The following ACBD5 variants were observed in gnomAD, a reference collection of about 807,000 sequenced individuals.
ACBD5 encodes acyl-CoA binding domain containing 5.
Under a neutral mutation model 71.8 loss-of-function variants are expected in ACBD5, and 40 were observed. The observed-to-expected ratio is 0.56, with a 90% CI of 0.43 to 0.72. The LOEUF (loss-of-function observed/expected upper bound fraction) is 0.72, where lower values mean the gene tolerates loss of function less well. Among genes scored for constraint, ACBD5 ranks in the 30% least tolerant of loss-of-function variants. The pLI, the probability that ACBD5 is intolerant of heterozygous loss-of-function variation, is 0.00. For missense variants in ACBD5, 559 were observed against 644.5 expected (o/e 0.87, Z 1.44); for synonymous variants, 229 against 218.6 (o/e 1.05, Z -0.42).
At chr10:27,199,853 G>T (rs982737473) in intron 12 of ACBD5, among the ~76,000 whole-genome samples, 1 of 152,080 alleles carries the variant, frequency 6.6e-6, no homozygotes, top group Admixed American at 6.6e-5. Context: ...TTAGCCGGGC[G>T]TGGTGGCGGG....
At chr10:27,220,667 G>T (rs1240442646) in intron 5 of ACBD5, among the ~76,000 whole-genome samples, 1 of 152,116 alleles carries the variant, frequency 6.6e-6, no homozygotes, top group Non-Finnish European at 1.5e-5. Flanking sequence ...ATCCAAGCTG[G>T]CATTTCTGCA....
intron 4 of ACBD5, among the ~76,000 whole-genome samples, chr10:27,228,815 A>ATTTTT (rs1167438554): frequency 1.5e-4 from 3 of 20,366 alleles, no homozygotes; most frequent in Non-Finnish European, 1.3e-4. Context: ...ATATATATAT[A>ATTTTT]TTTTTTTTTT....
intron 6 of ACBD5, 75 bp from the exon 7 acceptor site, chr10:27,218,258 A>G: frequency 1.7e-6 from 2 of 1,190,636 alleles, no homozygotes; most frequent in Non-Finnish European, 2.5e-6. Context: ...TTTAATATCC[A>G]GCTGTTATTT....
chr10:27,224,854 A>C (rs1367918849), intron 4 of ACBD5, among the ~76,000 whole-genome samples: 1 of 151,934 alleles, frequency 6.6e-6, no homozygotes, highest in African/African-American at 2.4e-5. Context: ...AACATGGTGA[A>C]ACCCCATCTC....
intron 4 of ACBD5, 68 bp downstream of exon 4, chr10:27,231,680 T>C: frequency 1.5e-6 from 2 of 1,377,294 alleles, no homozygotes; most frequent in Non-Finnish European, 2.1e-6. Flanking sequence ...GCAGCTAATT[T>C]GTCTGATAAC....
chr10:27,190,048 G>A (rs2059014963), intron 13 of ACBD5, among the ~76,000 whole-genome samples: 1 of 152,116 alleles, frequency 6.6e-6, no homozygotes, highest in Non-Finnish European at 1.5e-5. Context: ...ACTTTGGGAG[G>A]CTGAGACGAG....
In ACBD5 at chr10:27,197,308, C is replaced by T. The variant is rs2059457511; in HGVS notation, c.*122G>A. The T allele has an allele frequency of 1.1e-6, 1 of 925,492 alleles. No homozygotes were observed. Among genetic ancestry groups the T allele is most frequent in the East Asian group, 2.5e-5 (1 of 39,306 alleles). 57.3% of individuals were successfully genotyped at this position (925,492 alleles called of 1,614,324 possible). On this transcript the variant is annotated 3_prime_UTR_variant, in exon 13 of 13. Transcript: ENST00000396271. ...TGTGTATATATGTACACAAACTAAA[C>T]TACTGGACAACAAAAAGCAATGTAA...
downstream of ACBD5, among the ~76,000 whole-genome samples, chr10:27,190,917 T>G (rs1456669792): frequency 6.6e-6 from 1 of 152,142 alleles, no homozygotes; most frequent in African/African-American, 2.4e-5. Context: ...TTGGGTGGAT[T>G]GTGGTGCTGC....
chr10:27,205,170 C>T (rs747534669), intron 11 of ACBD5, 28 bp downstream of exon 11: 2 of 1,598,044 alleles, frequency 1.3e-6, no homozygotes, highest in South Asian at 2.2e-5. Context: ...GAAACCCTGG[C>T]ATTTAAATTT....
intron 2 of ACBD5, among the ~76,000 whole-genome samples, chr10:27,236,783 G>A (rs1183951258): frequency 6.6e-6 from 1 of 151,396 alleles, no homozygotes; most frequent in African/African-American, 2.4e-5. Context: ...AGCTACTCAG[G>A]AGGCTGAGAC....
At chr10:27,234,547 G>A (rs1052082904) in intron 3 of ACBD5, among the ~76,000 whole-genome samples, 36 of 148,896 alleles carry the variant, frequency 2.4e-4, no homozygotes, top group African/African-American at 8.6e-4. Context: ...AACTGATAAT[G>A]CTTCTTTATC....
chr10:27,202,585 T>A (rs1458720465), intron 12 of ACBD5, among the ~76,000 whole-genome samples: 3 of 151,284 alleles, frequency 2.0e-5, no homozygotes, highest in African/African-American at 7.4e-5. Context: ...TAGAGTGTAG[T>A]TTGTTTTTTC....
intron 4 of ACBD5, among the ~76,000 whole-genome samples, chr10:27,225,419 T>A (rs1278196043): frequency 1.3e-5 from 2 of 152,228 alleles, no homozygotes; most frequent in Admixed American, 1.3e-4. Context: ...CTGTGTTATA[T>A]GTGTAGGAGG....
rs1219958398 is a variant in ACBD5 at position 27,196,703 on chromosome 10, T to G, written c.*727A>C. On this transcript the variant is annotated 3_prime_UTR_variant, in exon 13 of 13. Coordinates refer to ENST00000396271, the MANE Select transcript of ACBD5 (RefSeq NM_145698.5). ...TATGATTGAATAAAAACCTGATTAA[T>G]CATCTACAGGCTCAGAATACACTTT... The G allele has an allele frequency of 2.2e-6, 1 of 454,412 alleles. No individual in the cohort carries two copies. Among genetic ancestry groups the G allele is most frequent in the Non-Finnish European group, 4.4e-6 (1 of 226,806 alleles). 28.1% of individuals were successfully genotyped at this position (454,412 alleles called of 1,614,324 possible).
At chr10:27,193,794 G>A (rs2136387313), downstream of ACBD5, among the ~76,000 whole-genome samples, 1 of 152,278 alleles carries the variant, frequency 6.6e-6, no homozygotes, top group South Asian at 2.1e-4. Context: ...CACCTTCCCG[G>A]CCCTGGACTT....
chr10:27,242,063 G>C (rs903535439), upstream of ACBD5: 5 of 453,636 alleles, frequency 1.1e-5, no homozygotes, highest in African/African-American at 1.0e-4. Flanking sequence ...ATTTACCTTG[G>C]TATTGCCGGA....
intron 5 of ACBD5, among the ~76,000 whole-genome samples, chr10:27,222,624 G>A (rs574866610): frequency 6.6e-6 from 1 of 152,136 alleles, no homozygotes; most frequent in East Asian, 1.9e-4. Flanking sequence ...AGGCCGGAGT[G>A]CAGCAGAGTG....
intron 12 of ACBD5, among the ~76,000 whole-genome samples, chr10:27,203,246 A>G (rs1186174308): frequency 6.6e-6 from 1 of 151,962 alleles, no homozygotes; most frequent in African/African-American, 2.4e-5. Flanking sequence ...TCAGCTTCCT[A>G]AAGTCCCGGG....
intron 3 of ACBD5, among the ~76,000 whole-genome samples, chr10:27,234,092 G>A (rs2064297228): frequency 6.6e-6 from 1 of 152,154 alleles, no homozygotes; most frequent in African/African-American, 2.4e-5. Context: ...AGCATATTCT[G>A]TTCATAACGT....
Sources: gnomAD v4.1 joint callset for allele counts (sites outside exome capture counted in the v4.1 genomes callset) on GRCh38, gnomAD v4.1.1 for gene constraint, MANE v1.5 for transcripts, NCBI Gene and HGNC (gene_info 2026-07-23, HGNC 2026-07-21) for gene names.